The following TPM2 variants were observed in gnomAD, a reference collection of about 807,000 sequenced individuals.
TPM2 encodes tropomyosin 2.
A neutral mutation model predicts 41.0 loss-of-function variants in TPM2; 26 were observed. The observed-to-expected ratio is 0.63, with a 90% CI of 0.46 to 0.88. The LOEUF (loss-of-function observed/expected upper bound fraction) is 0.88, where lower values mean the gene tolerates loss of function less well. Ranked by LOEUF, TPM2 falls within the 40% of genes least tolerant of loss-of-function variation. TPM2 has a pLI of 0.00. For synonymous variants in TPM2, 143 were observed against 139.3 expected, an observed-to-expected ratio of 1.03 and a Z score of -0.19; for missense variants, 187 against 355.2, an observed-to-expected ratio of 0.53 and a Z score of 3.81.
intron 8 of TPM2, chr9:35,683,910 A>G (rs892895658): frequency 1.0e-5 from 4 of 383,520 alleles, no homozygotes; most frequent in Admixed American, 7.4e-5. Flanking sequence ...GTGTGGCATG[A>G]GGACCAGCAG....
At chr9:35,684,175 T>G (rs1368180589) in intron 8 of TPM2, 71 bp downstream of exon 8, 9 of 1,513,412 alleles carry the variant, frequency 5.9e-6, no homozygotes, top group Non-Finnish European at 8.3e-6. Context: ...GCAAATAAAA[T>G]GGGATGAGAA....
Position 35,684,713 on chromosome 9 carries a change from C to A in TPM2, c.639+19G>T. On this transcript the variant is annotated intron_variant, in intron 6 of 8. Transcript: ENST00000645482. ...CCCCTGTGGGACCCCATCCTCACTGCCCCTCTGCTCCCCTCTACCTTGTCC... is the reference window on the plus strand; with the variant it reads ...CCCCTGTGGGACCCCATCCTCACTGACCCTCTGCTCCCCTCTACCTTGTCC... 1 of 1,614,162 alleles carries A rather than the reference C, an allele frequency of 6.2e-7. No homozygotes were observed. Among genetic ancestry groups the A allele is most frequent in the Non-Finnish European group, 8.5e-7 (1 of 1,180,014 alleles).
rs376329426 is a variant in TPM2 at position 35,685,015 on chromosome 9, G to A, written c.564-208C>T. ...TGCGGTGCTGAGACGGAGGGAAGGT[G>A]AGCTGAGAGAAGGCGCCATTGCCCA... On this transcript the variant is annotated intron_variant, in intron 5 of 8. Coordinates refer to ENST00000645482, the MANE Select transcript of TPM2 (RefSeq NM_003289.4). This position sits in a 1 kb window ranked among gnomAD's most constrained non-coding sequence, Gnocchi z 5.0. 14 of 1,614,042 alleles carry A rather than the reference G, an allele frequency of 8.7e-6. No individual in the cohort carries two copies. In the African/African-American group the frequency reaches 1.6e-4, roughly 18 times the overall value.
chr9:35,682,071 G>A (rs756152685), downstream of TPM2: 1 of 1,613,926 alleles, frequency 6.2e-7, no homozygotes, highest in African/African-American at 1.3e-5. Context: ...GCTGGGGGTG[G>A]GGCTGGCCCT....
chr9:35,687,943 T>A (rs1418915933), intron 2 of TPM2, among the ~76,000 whole-genome samples: 1 of 152,130 alleles, frequency 6.6e-6, no homozygotes, highest in East Asian at 1.9e-4. Flanking sequence ...AGGGAGAAAC[T>A]GAGGCACCAT....
intron 8 of TPM2, among the ~76,000 whole-genome samples, chr9:35,683,585 A>T (rs1824703515): frequency 6.6e-6 from 1 of 152,222 alleles, no homozygotes; most frequent in South Asian, 2.1e-4. Context: ...AACCTCCTAA[A>T]GCTGGAGGTA....
rs377532410 is a variant in TPM2 at position 35,685,056 on chromosome 9, G to A, written c.563+213C>T. The A allele has an allele frequency of 6.2e-7, 1 of 1,614,156 alleles. No homozygotes were observed. Reference sequence around the variant, plus strand: ...CCATTGCCCAGAAAGGTTCAGAGGGGTCACTACCTCCTCCTCTGAGGCCAT... The same window carrying A: ...CCATTGCCCAGAAAGGTTCAGAGGGATCACTACCTCCTCCTCTGAGGCCAT... On this transcript the variant is annotated intron_variant, in intron 5 of 8. Transcript: ENST00000645482. The surrounding 1 kb of genome is among the most constrained non-coding windows in gnomAD (Gnocchi z 5.0).
chr9:35,685,251 A>T lies in TPM2; in HGVS notation c.563+18T>A, dbSNP rs370352040. On this transcript the variant is annotated intron_variant, in intron 5 of 8. Coordinates refer to ENST00000645482, the MANE Select transcript of TPM2 (RefSeq NM_003289.4). The surrounding 1 kb of genome is among the most constrained non-coding windows in gnomAD (Gnocchi z 5.0). The stretch of plus-strand genomic sequence containing the variant: ...CCCAGGGCCAATGGGCTCACTTGTC[A>T]CCCCCGGGTATCTTTACCTCTCGGC... The T allele has an allele frequency of 1.3e-4, 202 of 1,613,570 alleles. 1 individual carries two copies. The South Asian group carries it at 2.1e-3, about 16-fold the overall frequency.
chr9:35,684,790 TC>T lies in TPM2; in HGVS notation c.580del (p.Glu194ArgfsTer4). 6.2e-7 allele frequency: 1 copy of T among 1,611,410 alleles called. No individual in the cohort carries two copies. The highest frequency in any genetic ancestry group is 8.5e-7 in the Non-Finnish European group (1 of 1,179,556). ...GTTGGTAACAATTTTCAGCTCCTCC[TC>T]TAGGTCCCCACATTTACTGCAGGGG... ...EVAESKCGDL[E>X]EELKIVTNNL... is the part of the protein sequence containing the mutation. On this transcript the variant is annotated frameshift_variant, in exon 6 of 9. Transcript: ENST00000645482. LOFTEE classifies it high-confidence loss of function.
chr9:35,689,121 C>G lies in TPM2; in HGVS notation c.240+25G>C, dbSNP rs199946595. On this transcript the variant is annotated intron_variant, in intron 2 of 8. Coordinates refer to ENST00000645482, the MANE Select transcript of TPM2 (RefSeq NM_003289.4). ...CCCTTCCCAGAGCCCTAACTCCTCC[C>G]ATTGTCCCCCAAGTCCACACTCACA... is the stretch of plus-strand genomic sequence containing the variant. The G allele has an allele frequency of 3.2e-5, 52 of 1,614,108 alleles. 1 individual carries two copies. The East Asian group carries it at 1.1e-3, about 35-fold the overall frequency.
chr9:35,683,012 G>A lies in TPM2; in HGVS notation c.*147C>T. On this transcript the variant is annotated 3_prime_UTR_variant, in exon 9 of 9. Transcript: ENST00000645482. ...TGAAGCCAGTGCCAGAGTGGGTGGT[G>A]GGCATGATGGGGGCTCTCCCTAGGC... 1 of 1,542,956 alleles carries A rather than the reference G, an allele frequency of 6.5e-7. No homozygotes were observed. The highest frequency in any genetic ancestry group is 2.5e-5 in the East Asian group (1 of 40,788).
intron 2 of TPM2, among the ~76,000 whole-genome samples, chr9:35,686,938 T>C (rs1209228021): frequency 2.6e-5 from 4 of 152,108 alleles, no homozygotes; most frequent in African/African-American, 9.7e-5. Context: ...TAAAGGAAAA[T>C]GAGAGGAGCA....
chr9:35,682,897 G>A (rs765309628), downstream of TPM2: 69 of 1,484,744 alleles, frequency 4.6e-5, no homozygotes, highest in Non-Finnish European at 6.0e-5. Flanking sequence ...TGGCGATAGA[G>A]GTGCTCTCTG....
In TPM2 at chr9:35,685,428, T is replaced by C; in HGVS notation, c.492+6A>G. 1 of 1,614,240 alleles carries C rather than the reference T, an allele frequency of 6.2e-7. No individual in the cohort carries two copies. Among genetic ancestry groups the C allele is most frequent in the Non-Finnish European group, 8.5e-7 (1 of 1,180,028 alleles). On this transcript the variant is annotated splice_donor_region_variant and intron_variant, in intron 4 of 8. Transcript: ENST00000645482. This position sits in a 1 kb window ranked among gnomAD's most constrained non-coding sequence, Gnocchi z 5.0. ...CAGCGAGCAGGCAGAGGGGCAAGGC[T>C]GTCACCTCTTCATATTTGCGGTCTG...
chr9:35,684,239 C>A lies in TPM2; in HGVS notation c.772+7G>T, dbSNP rs1056955784. ...GGTGTGGACCTACTTATAAAGGCTT[C>A]TTTTACCTTCTAGGTCATCGATGGT... is the stretch of plus-strand genomic sequence containing the variant. On this transcript the variant is annotated splice_region_variant and intron_variant, in intron 8 of 8. Coordinates refer to ENST00000645482, the MANE Select transcript of TPM2 (RefSeq NM_003289.4). The A allele has an allele frequency of 2.5e-6, 4 of 1,614,072 alleles. No individual in the cohort carries two copies. The highest frequency in any genetic ancestry group is 1.3e-5 in the African/African-American group (1 of 75,044).
Position 35,683,044 on chromosome 9 carries a change from C to T in TPM2, c.*115G>A. 2 of 1,550,434 alleles carry T rather than the reference C, an allele frequency of 1.3e-6. No individual in the cohort carries two copies. The highest frequency in any genetic ancestry group is 1.7e-6 in the Non-Finnish European group (2 of 1,146,618). ...ATGGGGGCTCTCCCTAGGCTGCTCCCAGCCTGGCTGTGCAATGTTGGCAAT... is the reference window on the plus strand; with the variant it reads ...ATGGGGGCTCTCCCTAGGCTGCTCCTAGCCTGGCTGTGCAATGTTGGCAAT... On this transcript the variant is annotated 3_prime_UTR_variant, in exon 9 of 9. Transcript: ENST00000645482.
upstream of TPM2, chr9:35,689,985 C>G (rs1825167461): frequency 6.7e-7 from 1 of 1,485,206 alleles, no homozygotes; most frequent in Non-Finnish European, 8.9e-7. Flanking sequence ...GGGCCGGCAA[C>G]CAGGACCCTC....
intron 2 of TPM2, among the ~76,000 whole-genome samples, chr9:35,686,088 T>C (rs1474206609): frequency 6.6e-6 from 1 of 151,936 alleles, no homozygotes; most frequent in Non-Finnish European, 1.5e-5. Flanking sequence ...CTGTCTCTAT[T>C]AAAAATAAAA....
chr9:35,689,546 G>A (rs1032025757), intron 1 of TPM2, 158 bp downstream of exon 1: 2 of 873,026 alleles, frequency 2.3e-6, no homozygotes, highest in African/African-American at 1.8e-5. Context: ...GGAGAGAAGC[G>A]GCTCTGGCGA....
Sources: allele counts gnomAD v4.1 joint callset (sites outside exome capture counted in the v4.1 genomes callset), GRCh38; gene constraint gnomAD v4.1.1; non-coding constraint Gnocchi (gnomAD v3.1); transcripts MANE v1.5; gene names NCBI Gene and HGNC (gene_info 2026-07-23, HGNC 2026-07-21).